ZNF692: variants seen among roughly 807,000 people sequenced by gnomAD.
ZNF692 encodes the protein zinc finger protein 692.
ZNF692 carries 41 observed loss-of-function variants against 49.0 expected under a neutral mutation model. The observed-to-expected ratio is 0.84, with a 90% confidence interval of 0.65 to 1.08. The LOEUF (loss-of-function observed/expected upper bound fraction) is 1.08. Ranked by LOEUF, ZNF692 falls within the 50% of genes least tolerant of loss-of-function variation. ZNF692 has a pLI of 0.00. For synonymous variants in ZNF692, 288 were observed against 251.5 expected, an observed-to-expected ratio of 1.15 and a Z score of -1.37; for missense variants, 662 against 662.2, an observed-to-expected ratio of 1.00 and a Z score of 0.00.
At chr1:248,856,477 T>C (rs1365747582) in intron 5 of ZNF692, 37 bp downstream of exon 5, 3 of 1,614,112 alleles carry the variant, frequency 1.9e-6, no homozygotes, top group East Asian at 2.2e-5. Context: ...CTCCCACCTA[T>C]GCAATTCCGC....
rs200823619 is a variant in ZNF692, at chr1:248,850,497, T to G, written c.1273A>C (p.Thr425Pro). The G allele has an allele frequency of 5.7e-5, 91 of 1,608,608 alleles. No individual in the cohort carries two copies. Among genetic ancestry groups the G allele is most frequent in the Non-Finnish European group, 1.7e-6 (2 of 1,177,108 alleles). The change falls in exon 12 of 12, where the codon ACC becomes CCC. Residue 425 changes from threonine to proline, a missense_variant. Transcript: ENST00000306601. ...TTCAGGGAAGCCTTCTGGCGGCAGG[T>G]AAACCCGCATATCTCACACCTGGAG... ...KPLQCEICGF[T>P]CRQKASLNWH...
chr1:248,855,284 G>C, intron 9 of ZNF692, 96 bp downstream of exon 9: 5 of 1,248,226 alleles, frequency 4.0e-6, no homozygotes, highest in Non-Finnish European at 5.8e-6. Flanking sequence ...TCCTGGTTCT[G>C]AATCCTCCCA....
In ZNF692 at chr1:248,855,960, A is replaced by T; in HGVS notation, c.660-14T>A. 1 of 1,612,150 alleles carries T rather than the reference A, an allele frequency of 6.2e-7. No homozygotes were observed. The highest frequency in any genetic ancestry group is 8.5e-7 in the Non-Finnish European group (1 of 1,179,100). ...TCAGGCTCACTACTGAAAGGAGAAC[A>T]AAGAGGAAGATGGCATTAACTTTCT... On this transcript the variant is annotated splice_polypyrimidine_tract_variant and intron_variant, in intron 6 of 11. Coordinates refer to ENST00000306601, the MANE Select transcript of ZNF692 (RefSeq NM_017865.4).
chr1:248,856,657 T>TA (rs1206110232), intron 4 of ZNF692, 95 bp from the exon 5 acceptor site: 3 of 1,140,334 alleles, frequency 2.6e-6, no homozygotes, highest in Non-Finnish European at 3.7e-6. Context: ...GAGACTCCTC[T>TA]TTTTTTTTTA....
Position 248,856,504 on chromosome 1 carries a change from A to G in ZNF692, c.524+10T>C. On this transcript the variant is annotated intron_variant, in intron 5 of 11. Coordinates refer to ENST00000306601, the MANE Select transcript of ZNF692 (RefSeq NM_017865.4). ...CAATTCCGCCTTTTCTCTCCTATCC[A>G]CATCCTCACCTGGGCAACCTGGCCT... is the stretch of plus-strand genomic sequence containing the variant. The G allele has an allele frequency of 6.2e-7, 1 of 1,614,110 alleles. No individual in the cohort carries two copies. The highest frequency in any genetic ancestry group is 1.1e-5 in the South Asian group (1 of 91,076).
chr1:248,858,463 AGC>A lies in ZNF692; in HGVS notation c.-12-144_-12-143del. The A allele has an allele frequency of 6.4e-7, 1 of 1,551,626 alleles. No individual in the cohort carries two copies. Among genetic ancestry groups the A allele is most frequent in the Non-Finnish European group, 8.7e-7 (1 of 1,146,928 alleles). On this transcript the variant is annotated intron_variant, in intron 1 of 11. Transcript: ENST00000306601. The surrounding 1 kb of genome is among the most constrained non-coding windows in gnomAD (Gnocchi z 4.3). ...ATTTCAATAGCAGTGGCAGGTGTGG[AGC>A]CAAACCCCGTCCTTCTATGATACAG...
chr1:248,855,532 C>G, intron 8 of ZNF692, 26 bp downstream of exon 8: 11 of 1,614,158 alleles, frequency 6.8e-6, no homozygotes, highest in Non-Finnish European at 9.3e-6. Context: ...CGGCCCTCCC[C>G]AGAACCCCAT....
intron 4 of ZNF692, 115 bp from the exon 5 acceptor site, chr1:248,856,677 G>A (rs1009234385): frequency 3.3e-5 from 43 of 1,301,300 alleles, no homozygotes; most frequent in African/African-American, 1.3e-4. Flanking sequence ...AAATAGAGAC[G>A]GGGTCTCACT....
At chr1:248,852,511 A>G (rs913558785) in intron 10 of ZNF692, among the ~76,000 whole-genome samples, 2 of 152,126 alleles carry the variant, frequency 1.3e-5, no homozygotes, top group Non-Finnish European at 2.9e-5. Context: ...CCATGCCCTG[A>G]GCCCACAGCC....
At position 248,854,000 on chromosome 1, in the gene ZNF692, G is replaced by A. The variant is rs1160662784; in HGVS notation, c.1090C>T (p.Pro364Ser). The A allele has an allele frequency of 6.2e-7, 1 of 1,614,102 alleles. No homozygotes were observed. The highest frequency in any genetic ancestry group is 1.3e-5 in the African/African-American group (1 of 74,942). ...IHQKSFSCPE[P>S]ACGKSFNFKK... ...AAGTTGAAAGACTTCCCACAGGCTG[G>A]CTCTGGGCAGGAGAAAGACTTCTGG... Residue 364 changes from proline (P) to serine (S), a missense_variant, in exon 10 of 12, where the codon CCA becomes TCA. Transcript: ENST00000306601.
intron 10 of ZNF692, chr1:248,851,060 G>C: frequency 1.7e-6 from 1 of 592,314 alleles, no homozygotes; most frequent in South Asian, 1.5e-5. Flanking sequence ...CCTGATGGAA[G>C]TGCACCACCC....
chr1:248,851,611 T>TCTAG (rs1490273678), intron 10 of ZNF692, among the ~76,000 whole-genome samples: 1 of 151,680 alleles, frequency 6.6e-6, no homozygotes, highest in Non-Finnish European at 1.5e-5. Flanking sequence ...TCCACACAAC[T>TCTAG]CTAGGTTCAG....
In ZNF692 at chr1:248,855,474, G is replaced by A. The variant is rs750948264; in HGVS notation, c.960-16C>T. ...GGCAGCTTTCCTGAGGAGAAGAATG[G>A]AAAGGAGCAGCATGACTCCTGCCTG... On this transcript the variant is annotated splice_polypyrimidine_tract_variant and intron_variant, in intron 8 of 11. Coordinates refer to ENST00000306601, the MANE Select transcript of ZNF692 (RefSeq NM_017865.4). 1.2e-6 allele frequency: 2 copies of A among 1,614,134 alleles called. No homozygotes were observed. The highest frequency in any genetic ancestry group is 1.1e-5 in the South Asian group (1 of 91,086).
Position 248,850,160 on chromosome 1 carries a change from CT to C in ZNF692, c.*49del. 1.3e-6 allele frequency: 2 copies of C among 1,503,306 alleles called. No individual in the cohort carries two copies. Among genetic ancestry groups the C allele is most frequent in the Non-Finnish European group, 1.8e-6 (2 of 1,125,944 alleles). The allele number at this position is 1,503,306 out of a possible 1,614,324, so 93.1% of individuals were successfully genotyped here. A position where few individuals can be genotyped will look rare whatever the true frequency, so the allele number is the denominator to read the frequency against. On this transcript the variant is annotated 3_prime_UTR_variant, in exon 12 of 12. Coordinates refer to ENST00000306601, the MANE Select transcript of ZNF692 (RefSeq NM_017865.4). The stretch of plus-strand genomic sequence containing the variant: ...CAAGCAGACCCTCTCCTTGTTGCTC[CT>C]TTTCAGTCCCTGGAGTCTGGCTTCC...
At position 248,855,749 on chromosome 1, in the gene ZNF692, G is replaced by A; in HGVS notation, c.857C>T (p.Ala286Val). The A allele has an allele frequency of 6.2e-7, 1 of 1,614,226 alleles. No homozygotes were observed. The highest frequency in any genetic ancestry group is 8.5e-7 in the Non-Finnish European group (1 of 1,180,040). The change falls in exon 7 of 12, where the codon GCC (alanine) becomes GTC (valine). Residue 286 changes from alanine to valine, a missense_variant. Ala to Val is a moderately conservative substitution (Grantham distance 64, BLOSUM62 0). Coordinates refer to ENST00000306601, the MANE Select transcript of ZNF692 (RefSeq NM_017865.4). ...QPQLSRTPQA[A>V]QQTEALASTG... Reference sequence around the variant, plus strand: ...CCTGGCCAGGGCCTCAGTCTGCTGGGCCGCTTGAGGGGTCCTGCTGAGCTG... The same window carrying A: ...CCTGGCCAGGGCCTCAGTCTGCTGGACCGCTTGAGGGGTCCTGCTGAGCTG...
In ZNF692 at chr1:248,858,261, G is replaced by T; in HGVS notation, c.49C>A (p.Arg17=). 6.3e-7 allele frequency: 1 copy of T among 1,581,826 alleles called. No homozygotes were observed. Among genetic ancestry groups the T allele is most frequent in the South Asian group, 1.1e-5 (1 of 88,672 alleles). ...VDVSCRRREK[R]RQLDARRSKC... ...CTGCGGCGCGCGTCCAGCTGCCGCC[G>T]CTTCTCCCGCCGCCTGCAGGACACG... Residue 17 remains arginine (R), a synonymous_variant, in exon 2 of 12, where the codon CGG becomes AGG. Coordinates refer to ENST00000306601, the MANE Select transcript of ZNF692 (RefSeq NM_017865.4). The surrounding 1 kb of genome is among the most constrained non-coding windows in gnomAD (Gnocchi z 4.3).
At position 248,858,500 on chromosome 1, in the gene ZNF692, G is replaced by A. The variant is rs1406262273; in HGVS notation, c.-12-179C>T. ...TCCTTCTATGATACAGGGTGTTGAAGCTCAGCGCTACCATGTGAGTGTCGT... is the reference window on the plus strand; with the variant it reads ...TCCTTCTATGATACAGGGTGTTGAAACTCAGCGCTACCATGTGAGTGTCGT... On this transcript the variant is annotated intron_variant, in intron 1 of 11. Coordinates refer to ENST00000306601, the MANE Select transcript of ZNF692 (RefSeq NM_017865.4). This position sits in a 1 kb window ranked among gnomAD's most constrained non-coding sequence, Gnocchi z 4.3. 5 of 1,551,634 alleles carry A rather than the reference G, an allele frequency of 3.2e-6. No homozygotes were observed. Among genetic ancestry groups the A allele is most frequent in the East Asian group, 2.4e-5 (1 of 40,936 alleles).
At chr1:248,850,610 T>C in intron 11 of ZNF692, 72 bp downstream of exon 11, 1 of 1,603,434 alleles carries the variant, frequency 6.2e-7, no homozygotes, top group Non-Finnish European at 8.5e-7. Flanking sequence ...CTAGGTGTCC[T>C]ATATGCCTAG....
intron 10 of ZNF692, among the ~76,000 whole-genome samples, chr1:248,851,265 A>AT (rs1324614635): frequency 6.6e-6 from 1 of 152,082 alleles, no homozygotes; most frequent in Non-Finnish European, 1.5e-5. Context: ...TTAGGCTTGC[A>AT]TATCCCACCT....
Sources: allele counts gnomAD v4.1 joint callset (sites outside exome capture counted in the v4.1 genomes callset), GRCh38; gene constraint gnomAD v4.1.1; non-coding constraint Gnocchi (gnomAD v3.1); transcripts MANE v1.5; gene names NCBI Gene and HGNC (gene_info 2026-07-23, HGNC 2026-07-21).